SMG6: variants seen among roughly 807,000 people sequenced by gnomAD.
SMG6 encodes telomerase-binding protein EST1A.
SMG6 carries 66 observed loss-of-function variants against 142.2 expected under a neutral mutation model. The ratio of observed to expected loss-of-function variants is 0.46; its 90% confidence interval spans 0.38 to 0.57. The LOEUF (loss-of-function observed/expected upper bound fraction) is 0.57. SMG6 is among the 20% of genes least tolerant of loss of function. The probability of loss-of-function intolerance (pLI) is 0.00; values close to 1 mark genes in which losing one functional copy is unlikely to be tolerated. For missense variants in SMG6, 1,793 were observed against 1,832.0 expected, an observed-to-expected ratio of 0.98 and a Z score of 0.39; for synonymous variants, 779 against 702.4, an observed-to-expected ratio of 1.11 and a Z score of -1.72.
intron 10 of SMG6, among the ~76,000 whole-genome samples, chr17:2,202,930 TGATCTCCA>T (rs2072575284): frequency 6.6e-6 from 1 of 152,142 alleles, no homozygotes; most frequent in South Asian, 2.1e-4. Context: ...GGTGAGACAA[TGATCTCCA>T]GAAGTGCTAG....
chr17:2,202,422 G>A (rs576140188), intron 10 of SMG6, among the ~76,000 whole-genome samples: 1 of 152,252 alleles, frequency 6.6e-6, no homozygotes, highest in African/African-American at 2.4e-5. Flanking sequence ...AGTGGTGGCA[G>A]GTGCCTATAG....
chr17:2,283,640 TTC>T lies in SMG6; in HGVS notation c.2431_2432del (p.Glu811ArgfsTer15). On this transcript the variant is annotated frameshift_variant, in exon 7 of 19. Coordinates refer to ENST00000263073, the MANE Select transcript of SMG6 (RefSeq NM_017575.5). LOFTEE classifies it high-confidence loss of function. ...TAKESLMSLF[E>X]ETKRKAEQME... Reference sequence around the variant, plus strand: ...CCCCACTCACCTTCCGCTTGGTCTCTTCAAACAAGCTCATGAGACTCTCCTTG... The same window carrying T: ...CCCCACTCACCTTCCGCTTGGTCTCTAAACAAGCTCATGAGACTCTCCTTG... 6.2e-7 allele frequency: 1 copy of T among 1,614,024 alleles called. No individual in the cohort carries two copies. Among genetic ancestry groups the T allele is most frequent in the Non-Finnish European group, 8.5e-7 (1 of 1,179,906 alleles).
chr17:2,149,349 CAAAAAAA>C (rs1178295829), intron 13 of SMG6, among the ~76,000 whole-genome samples: 12 of 71,100 alleles, frequency 1.7e-4, no homozygotes, highest in African/African-American at 2.5e-4. Flanking sequence ...GATTCCCCCT[CAAAAAAA>C]AAAAAAAAAA....
At chr17:2,260,871 C>T (rs2074295359) in intron 8 of SMG6, among the ~76,000 whole-genome samples, 1 of 152,038 alleles carries the variant, frequency 6.6e-6, no homozygotes. Context: ...TGGCGGGTGC[C>T]TGTAATCCCA....
At chr17:2,089,739 G>C (rs1465862394) in intron 13 of SMG6, 6 of 152,066 alleles carry the variant, frequency 3.9e-5, no homozygotes, top group East Asian at 1.9e-4. Context: ...CCTAGGCTCA[G>C]TTCCTTAGAG....
chr17:2,277,154 TTTATTTA>T (rs1490353804), intron 8 of SMG6, among the ~76,000 whole-genome samples: 2 of 81,786 alleles, frequency 2.4e-5, no homozygotes, highest in Admixed American at 1.3e-4. Flanking sequence ...TATTTATTTA[TTTATTTA>T]TTTATTTTTT....
chr17:2,295,663 G>C (rs1255464802), intron 4 of SMG6, among the ~76,000 whole-genome samples: 1 of 151,596 alleles, frequency 6.6e-6, no homozygotes, highest in African/African-American at 2.4e-5. Flanking sequence ...AGCCTTCCCA[G>C]TACCCCAACT....
At chr17:2,155,234 G>C (rs2070965304) in intron 13 of SMG6, among the ~76,000 whole-genome samples, 1 of 151,920 alleles carries the variant, frequency 6.6e-6, no homozygotes, top group Non-Finnish European at 1.5e-5. Flanking sequence ...GCTACTTTTT[G>C]TATTTTTAGT....
chr17:2,239,138 C>G (rs959879686), intron 9 of SMG6, among the ~76,000 whole-genome samples: 1 of 152,132 alleles, frequency 6.6e-6, no homozygotes, highest in Admixed American at 6.5e-5. Flanking sequence ...TGCTTCACCC[C>G]GCATTACTGA....
chr17:2,245,494 C>T (rs984152053), intron 8 of SMG6, among the ~76,000 whole-genome samples: 1 of 152,016 alleles, frequency 6.6e-6, no homozygotes, highest in Non-Finnish European at 1.5e-5. Flanking sequence ...AAGCAATTCT[C>T]GTGTCTCAGC....
At chr17:2,275,006 CAAA>C (rs57628038) in intron 8 of SMG6, among the ~76,000 whole-genome samples, 33 of 115,902 alleles carry the variant, frequency 2.8e-4, no homozygotes, top group African/African-American at 3.7e-4. Context: ...AAAGCATGGG[CAAA>C]AAAAAAAAAA....
intron 12 of SMG6, among the ~76,000 whole-genome samples, chr17:2,183,324 A>T (rs2071865348): frequency 6.6e-6 from 1 of 152,082 alleles, no homozygotes; most frequent in Non-Finnish European, 1.5e-5. Flanking sequence ...CAGGAGGGAG[A>T]GATGAATAGT....
chr17:2,118,683 C>T (rs75404804), intron 13 of SMG6, among the ~76,000 whole-genome samples: 2,103 of 148,996 alleles, frequency 0.014, 43 homozygotes, highest in African/African-American at 0.049. Flanking sequence ...GCAAACATGG[C>T]ACACTGCAGC....
At chr17:2,128,517 C>T (rs1252661554) in intron 13 of SMG6, among the ~76,000 whole-genome samples, 1 of 152,156 alleles carries the variant, frequency 6.6e-6, no homozygotes, top group Non-Finnish European at 1.5e-5. Flanking sequence ...GCCAATCCAA[C>T]TGCCTTATGC....
intron 10 of SMG6, among the ~76,000 whole-genome samples, chr17:2,210,050 G>A (rs994852600): frequency 5.3e-5 from 8 of 152,134 alleles, no homozygotes; most frequent in Non-Finnish European, 7.4e-5. Flanking sequence ...GGTGGGGAGA[G>A]AGAGGGGGTA....
At chr17:2,142,912 A>G (rs977118010) in intron 13 of SMG6, among the ~76,000 whole-genome samples, 2 of 139,322 alleles carry the variant, frequency 1.4e-5, no homozygotes, top group African/African-American at 5.4e-5. Context: ...AAAAAAAAAA[A>G]GTAGGCAAAT....
chr17:2,129,793 C>CA (rs57556112), intron 13 of SMG6, among the ~76,000 whole-genome samples: 2,099 of 56,306 alleles, frequency 0.037, 509 homozygotes, highest in Non-Finnish European at 0.04. Flanking sequence ...GGCTCTGTCT[C>CA]AAAAAAAAAA....
intron 8 of SMG6, among the ~76,000 whole-genome samples, chr17:2,268,775 G>A (rs1567733324): frequency 2.7e-5 from 4 of 149,954 alleles, no homozygotes; most frequent in African/African-American, 9.8e-5. Context: ...AGCCGGGCAT[G>A]GTGGCGGGCA....
At chr17:2,226,062 G>A (rs2073306665) in intron 10 of SMG6, among the ~76,000 whole-genome samples, 1 of 152,090 alleles carries the variant, frequency 6.6e-6, no homozygotes, top group African/African-American at 2.4e-5. Flanking sequence ...GATCGCCTGA[G>A]GTCGGGAGTT....
Sources: gnomAD v4.1 joint callset for allele counts (sites outside exome capture counted in the v4.1 genomes callset) on GRCh38, gnomAD v4.1.1 for gene constraint, MANE v1.5 for transcripts, NCBI Gene and HGNC (gene_info 2026-07-23, HGNC 2026-07-21) for gene names.